Variants in CRTC1 observed in about 807,000 individuals in gnomAD.
CRTC1 encodes the protein CREB-regulated transcription coactivator 1.
In CRTC1, 18 loss-of-function variants were observed where a neutral mutation model predicts 66.1. That is an observed-to-expected ratio of 0.27 (90% CI 0.19 to 0.40). The LOEUF (loss-of-function observed/expected upper bound fraction) is 0.40. Among genes scored for constraint, CRTC1 ranks in the 10% least tolerant of loss-of-function variants. CRTC1 has a pLI of 1.00. For synonymous variants in CRTC1, 416 were observed against 398.8 expected, an observed-to-expected ratio of 1.04 and a Z score of -0.51; for missense variants, 669 against 887.9, an observed-to-expected ratio of 0.75 and a Z score of 3.13.
intron 1 of CRTC1, among the ~76,000 whole-genome samples, chr19:18,684,266 T>C (rs1457845456): frequency 6.6e-6 from 1 of 151,660 alleles, no homozygotes; most frequent in South Asian, 2.1e-4. Context: ...GACACAGGTG[T>C]ATGAGCTGGG....
At chr19:18,767,554 G>A (rs1053923963) in intron 9 of CRTC1, among the ~76,000 whole-genome samples, 2 of 152,160 alleles carry the variant, frequency 1.3e-5, no homozygotes, top group African/African-American at 4.8e-5. Flanking sequence ...CGAAGTTAAT[G>A]GTAGTTCCTT....
intron 1 of CRTC1, among the ~76,000 whole-genome samples, chr19:18,732,933 A>G (rs1468605685): frequency 1.3e-5 from 2 of 151,908 alleles, no homozygotes; most frequent in East Asian, 1.9e-4. Context: ...CTGAAAATAA[A>G]AAACTTAGTT....
chr19:18,768,622 G>A lies in CRTC1; in HGVS notation c.1149G>A (p.Pro383=), dbSNP rs758697174. The A allele has an allele frequency of 3.5e-4, 142 of 400,212 alleles. No homozygotes were observed. Among genetic ancestry groups the A allele is most frequent in the East Asian group, 4.5e-4 (3 of 6,612 alleles). The allele number at this position is 400,212 out of a possible 1,614,324, so 24.8% of individuals were successfully genotyped here. A position where few individuals can be genotyped will look rare whatever the true frequency, so the allele number is the denominator to read the frequency against. The change falls in exon 10 of 14, where the codon CCG becomes CCA. Residue 383 remains proline, a synonymous_variant. Coordinates refer to ENST00000321949, the MANE Select transcript of CRTC1 (RefSeq NM_015321.3). The surrounding 1 kb of genome is among the most constrained non-coding windows in gnomAD (Gnocchi z 5.6). The stretch of plus-strand genomic sequence containing the variant: ...CCGCGTCCCAGCAGCCACCACCCCC[G>A]CCACCCCCACAGGCGCCCGTCCGCC... ...PPPASQQPPP[P]PPPQAPVRLP...
In CRTC1 at chr19:18,702,150, C is replaced by T. The variant is rs144215394; in HGVS notation, c.126+18322C>T. ...GTTGGTCAGGCTGGTCTTGAACTCC[C>T]GACCTCAGGTGATTTGCCCGCCTCA... On this transcript the variant is annotated intron_variant, in intron 1 of 13. Coordinates refer to ENST00000321949, the MANE Select transcript of CRTC1 (RefSeq NM_015321.3). Among the ~76,000 whole-genome samples the T allele has an allele frequency of 9.0e-4, 136 of 151,080 alleles. 1 individual carries two copies. The highest frequency in any genetic ancestry group is 2.9e-3 in the African/African-American group (118 of 41,122).
intron 2 of CRTC1, 26 bp downstream of exon 2, chr19:18,743,052 C>A: frequency 6.4e-7 from 1 of 1,559,168 alleles, no homozygotes; most frequent in Non-Finnish European, 8.8e-7. Context: ...CCTGGCCCTG[C>A]CCCATTGTGG....
In CRTC1 at chr19:18,777,582, C is replaced by T. The variant is rs2055021235; in HGVS notation, c.*200C>T. The T allele has an allele frequency of 1.8e-6, 1 of 561,584 alleles. No individual in the cohort carries two copies. The highest frequency in any genetic ancestry group is 3.5e-5 in the Admixed American group (1 of 28,720). 34.8% of individuals were successfully genotyped at this position (561,584 alleles called of 1,614,324 possible). ...GAGGCCGCGAGCCGGGCCGTCCACCCACCCGCCCGCCCAGGGCTGGGCTGG... is the reference window on the plus strand; with the variant it reads ...GAGGCCGCGAGCCGGGCCGTCCACCTACCCGCCCGCCCAGGGCTGGGCTGG... On this transcript the variant is annotated 3_prime_UTR_variant, in exon 14 of 14. Transcript: ENST00000321949. This position sits in a 1 kb window ranked among gnomAD's most constrained non-coding sequence, Gnocchi z 5.5.
At position 18,745,813 on chromosome 19, in the gene CRTC1, C is replaced by T. The variant is rs746991124; in HGVS notation, c.244-10C>T. On this transcript the variant is annotated splice_polypyrimidine_tract_variant and intron_variant, in intron 2 of 13. Coordinates refer to ENST00000321949, the MANE Select transcript of CRTC1 (RefSeq NM_015321.3). ...TTCTCTCTCTCTGTTTCCATCTCCT[C>T]CTCCCCCAGACCCCCTTCCAATCCT... 16 of 1,613,804 alleles carry T rather than the reference C, an allele frequency of 9.9e-6. No individual in the cohort carries two copies. In the South Asian group the frequency reaches 1.5e-4, roughly 16 times the overall value.
At chr19:18,722,111 C>T (rs1004424717) in intron 1 of CRTC1, among the ~76,000 whole-genome samples, 1 of 152,252 alleles carries the variant, frequency 6.6e-6, no homozygotes, top group Non-Finnish European at 1.5e-5. Context: ...CACACCTATG[C>T]ATCCGCTGAC....
chr19:18,744,883 C>T (rs1317078767), intron 2 of CRTC1, among the ~76,000 whole-genome samples: 1 of 152,186 alleles, frequency 6.6e-6, no homozygotes, highest in African/African-American at 2.4e-5. Flanking sequence ...GACAAAGCAG[C>T]AATCCTAGCC....
chr19:18,776,519 GCT>G (rs1406084273), intron 13 of CRTC1, among the ~76,000 whole-genome samples: 3 of 152,206 alleles, frequency 2.0e-5, no homozygotes, highest in African/African-American at 7.2e-5. Flanking sequence ...TGTGGCCTGG[GCT>G]CTGAGTGCAG....
At chr19:18,720,385 T>C (rs1322595121) in intron 1 of CRTC1, among the ~76,000 whole-genome samples, 1 of 152,070 alleles carries the variant, frequency 6.6e-6, no homozygotes, top group African/African-American at 2.4e-5. Flanking sequence ...AGTCTCGCTC[T>C]GTCACCCAGG....
chr19:18,763,894 G>T (rs956197161), intron 8 of CRTC1, among the ~76,000 whole-genome samples: 16 of 152,198 alleles, frequency 1.1e-4, no homozygotes, highest in African/African-American at 3.6e-4. Flanking sequence ...AGAAGATGAG[G>T]GAGTGGCCCA....
In CRTC1 at chr19:18,741,868, C is replaced by CA. The variant is rs1223514179; in HGVS notation, c.127-1041dup. Among the ~76,000 whole-genome samples the CA allele has an allele frequency of 3.4e-4, 52 of 152,258 alleles. No homozygotes were observed. Among genetic ancestry groups the CA allele is most frequent in the African/African-American group, 1.2e-3 (49 of 41,560 alleles). On this transcript the variant is annotated intron_variant, in intron 1 of 13. Transcript: ENST00000321949. This position sits in a 1 kb window ranked among gnomAD's most constrained non-coding sequence, Gnocchi z 4.2. ...GGGCTTTACTTCCGCCTCCGGTGTC[C>CA]AGGGCCCCCTAGGAAGCTGGGGCGG...
chr19:18,764,338 G>T (rs2054681061), intron 8 of CRTC1, among the ~76,000 whole-genome samples: 1 of 152,256 alleles, frequency 6.6e-6, no homozygotes, highest in African/African-American at 2.4e-5. Flanking sequence ...CTTTGAACCG[G>T]AGAGGGCGGC....
intron 8 of CRTC1, among the ~76,000 whole-genome samples, chr19:18,765,111 A>G (rs969033281): frequency 2.6e-5 from 4 of 152,070 alleles, no homozygotes; most frequent in African/African-American, 9.7e-5. Context: ...GCCTGGTTAC[A>G]TGCCCATCTG....
intron 9 of CRTC1, among the ~76,000 whole-genome samples, chr19:18,766,343 T>C (rs2054736905): frequency 6.7e-6 from 1 of 149,494 alleles, no homozygotes; most frequent in Non-Finnish European, 1.5e-5. Context: ...TTCACCATGC[T>C]GGCCAGGCTG....
At chr19:18,736,846 G>A (rs111549645) in intron 1 of CRTC1, among the ~76,000 whole-genome samples, 11 of 152,212 alleles carry the variant, frequency 7.2e-5, no homozygotes, top group Non-Finnish European at 1.2e-4. Flanking sequence ...AATCTCATTA[G>A]AAGGTTGGCC....
chr19:18,699,069 C>T (rs536568092), intron 1 of CRTC1, among the ~76,000 whole-genome samples: 12 of 152,026 alleles, frequency 7.9e-5, no homozygotes, highest in African/African-American at 2.2e-4. Context: ...ATTTAGCAGG[C>T]GCTCAGCAGG....
At chr19:18,769,776 T>C (rs1183447987) in intron 10 of CRTC1, among the ~76,000 whole-genome samples, 1 of 152,140 alleles carries the variant, frequency 6.6e-6, no homozygotes, top group Non-Finnish European at 1.5e-5. Context: ...TGGGTCAGGC[T>C]GTCCATGTCC....
Sources: gnomAD v4.1 joint callset for allele counts (sites outside exome capture counted in the v4.1 genomes callset) on GRCh38, gnomAD v4.1.1 for gene constraint, Gnocchi (gnomAD v3.1) non-coding constraint, MANE v1.5 for transcripts, NCBI Gene and HGNC (gene_info 2026-07-23, HGNC 2026-07-21) for gene names.